Variants in C10orf90 observed in about 807,000 individuals in gnomAD.
C10orf90 encodes the protein chromosome 10 open reading frame 90, also known as (E2-independent) E3 ubiquitin-conjugating enzyme FATS.
Under a neutral mutation model 62.5 loss-of-function variants are expected in C10orf90, and 56 were observed. That is an observed-to-expected ratio of 0.90 (90% CI 0.72 to 1.12). The LOEUF is 1.12. Ranked by LOEUF, C10orf90 falls within the 50% of genes most tolerant of loss-of-function variation. The pLI is 0.00. For synonymous variants in C10orf90, 386 were observed against 340.4 expected, an observed-to-expected ratio of 1.13 and a Z score of -1.47; for missense variants, 970 against 880.4, an observed-to-expected ratio of 1.10 and a Z score of -1.29.
chr10:126,654,622 C>G (rs1846356410), intron 1 of C10orf90, among the ~76,000 whole-genome samples: 1 of 152,204 alleles, frequency 6.6e-6, no homozygotes, highest in South Asian at 2.1e-4. Flanking sequence ...TGGAGTAGCA[C>G]TTTTAATTTC....
chr10:126,426,070 TC>T lies in C10orf90; in HGVS notation c.2272del (p.Glu758LysfsTer13), dbSNP rs770142843. 2 of 1,614,056 alleles carry T rather than the reference TC, an allele frequency of 1.2e-6. No individual in the cohort carries two copies. Among genetic ancestry groups the T allele is most frequent in the Non-Finnish European group, 1.7e-6 (2 of 1,179,886 alleles). On this transcript the variant is annotated frameshift_variant, in exon 9 of 10. Transcript: ENST00000488181. LOFTEE classifies it high-confidence loss of function. ...TTGTTCTTCTTTTTTCTTTTTAACT[TC>T]CGGCAAGTTATCATAGATTCTGAAA... ...RSKRIYDNLP[E>X]VKKKKEEQRK...
At position 126,504,143 on chromosome 10, in the gene C10orf90, C is replaced by A; in HGVS notation, c.1348G>T (p.Val450Leu). The change falls in exon 4 of 10, where the codon GTG (valine) becomes TTG (leucine). Residue 450 changes from valine to leucine, a missense_variant. Val to Leu is a conservative substitution (Grantham distance 32, BLOSUM62 1). Transcript: ENST00000488181. This position sits in a 1 kb window ranked among gnomAD's most constrained non-coding sequence, Gnocchi z 4.1. The stretch of plus-strand genomic sequence containing the variant: ...GGACAAGCGCCGGTCCCCAAATGCA[C>A]CCGCCTCAACGATGGGGTTTCCTTC... The part of the protein sequence containing the change: ...HLKETPSLRR[V>L]HLGTGACPWS... 1 of 1,614,126 alleles carries A rather than the reference C, an allele frequency of 6.2e-7. No homozygotes were observed. The highest frequency in any genetic ancestry group is 8.5e-7 in the Non-Finnish European group (1 of 1,180,010).
At chr10:126,518,784 C>T (rs139422426) in intron 2 of C10orf90, among the ~76,000 whole-genome samples, 2 of 152,250 alleles carry the variant, frequency 1.3e-5, no homozygotes, top group Non-Finnish European at 2.9e-5. Flanking sequence ...TCCGCCTGAA[C>T]CACACATCCA....
intron 2 of C10orf90, among the ~76,000 whole-genome samples, chr10:126,561,175 GA>G (rs778494341): frequency 6.6e-6 from 1 of 152,120 alleles, no homozygotes; most frequent in East Asian, 1.9e-4. Flanking sequence ...ATAACAGCTG[GA>G]AAAAAATCAG....
intron 2 of C10orf90, among the ~76,000 whole-genome samples, chr10:126,528,996 G>T (rs1864023532): frequency 6.6e-6 from 1 of 152,094 alleles, no homozygotes; most frequent in Admixed American, 6.5e-5. Flanking sequence ...CATTGCTACA[G>T]AAATAAACAA....
At position 126,620,000 on chromosome 10, in the gene C10orf90, A is replaced by G. The variant is rs371848037; in HGVS notation, c.313+26565T>C. On this transcript the variant is annotated intron_variant, in intron 2 of 9. Transcript: ENST00000488181. ...ATGTTGGATACAAATCCTTTGTTTTATATTAATCAATAATCTATTATCTAA... is the reference window on the plus strand; with the variant it reads ...ATGTTGGATACAAATCCTTTGTTTTGTATTAATCAATAATCTATTATCTAA... 5.3e-5 allele frequency among the ~76,000 whole-genome samples: 8 copies of G among 152,212 alleles called. No individual in the cohort carries two copies. In the South Asian group the frequency reaches 1.2e-3, roughly 24 times the overall value.
intron 2 of C10orf90, among the ~76,000 whole-genome samples, chr10:126,542,766 C>A (rs1444433650): frequency 6.6e-6 from 1 of 152,130 alleles, no homozygotes; most frequent in African/African-American, 2.4e-5. Context: ...TCTTCCCAAA[C>A]TATTGGCTGA....
At chr10:126,535,530 A>AG (rs1184707615) in intron 2 of C10orf90, among the ~76,000 whole-genome samples, 1 of 152,066 alleles carries the variant, frequency 6.6e-6, no homozygotes, top group East Asian at 1.9e-4. Flanking sequence ...AAAAAAAAAA[A>AG]AAATTGTCTT....
At chr10:126,604,192 C>T (rs1037565689) in intron 2 of C10orf90, among the ~76,000 whole-genome samples, 1 of 152,178 alleles carries the variant, frequency 6.6e-6, no homozygotes, top group East Asian at 1.9e-4. Flanking sequence ...TCTGACCTCT[C>T]GGCCTTGCTC....
chr10:126,521,152 C>T (rs1291533897), intron 2 of C10orf90: 1 of 835,784 alleles, frequency 1.2e-6, no homozygotes, highest in East Asian at 2.7e-5. Flanking sequence ...CCAAGTTGGC[C>T]CAGGTCTTTA....
intron 4 of C10orf90, among the ~76,000 whole-genome samples, chr10:126,498,588 G>A (rs1220535079): frequency 1.3e-5 from 2 of 152,142 alleles, no homozygotes; most frequent in Non-Finnish European, 1.5e-5. Context: ...GCAGTGTGAT[G>A]GACACTGTAT....
intron 1 of C10orf90, among the ~76,000 whole-genome samples, chr10:126,664,498 A>G (rs904496398): frequency 6.6e-6 from 1 of 152,172 alleles, no homozygotes; most frequent in Non-Finnish European, 1.5e-5. Flanking sequence ...AGGCTCAAAG[A>G]GAAGAAAATT....
At chr10:126,657,410 G>A (rs989319118) in intron 1 of C10orf90, among the ~76,000 whole-genome samples, 4 of 152,004 alleles carry the variant, frequency 2.6e-5, no homozygotes, top group African/African-American at 4.8e-5. Flanking sequence ...GTACAACAAC[G>A]TTTGTCCCTT....
At chr10:126,601,134 AT>A (rs56963246) in intron 2 of C10orf90, among the ~76,000 whole-genome samples, 1 of 152,174 alleles carries the variant, frequency 6.6e-6, no homozygotes, top group Non-Finnish European at 1.5e-5. Flanking sequence ...TAGATGTGGA[AT>A]TTTTTTAAAG....
intron 7 of C10orf90, among the ~76,000 whole-genome samples, chr10:126,446,735 C>G (rs1282705816): frequency 6.6e-6 from 1 of 152,058 alleles, no homozygotes; most frequent in Admixed American, 6.6e-5. Flanking sequence ...ATTCAGAATA[C>G]TCTAATAGTG....
chr10:126,605,511 G>A (rs957207769), intron 2 of C10orf90, among the ~76,000 whole-genome samples: 1 of 152,262 alleles, frequency 6.6e-6, no homozygotes, highest in African/African-American at 2.4e-5. Flanking sequence ...TGCATGGGAA[G>A]AGCCTGTGGA....
intron 2 of C10orf90, among the ~76,000 whole-genome samples, chr10:126,556,729 C>A (rs538940199): frequency 6.6e-6 from 1 of 152,114 alleles, no homozygotes; most frequent in African/African-American, 2.4e-5. Flanking sequence ...ATTCTTAATC[C>A]ATAGCAGCCA....
chr10:126,625,862 C>G (rs1007669431), intron 2 of C10orf90, among the ~76,000 whole-genome samples: 1 of 152,124 alleles, frequency 6.6e-6, no homozygotes, highest in African/African-American at 2.4e-5. Context: ...CGCCTGTAAT[C>G]CTAGCACTTT....
intron 2 of C10orf90, among the ~76,000 whole-genome samples, chr10:126,555,968 A>C (rs928345775): frequency 2.0e-5 from 3 of 152,208 alleles, no homozygotes; most frequent in Non-Finnish European, 4.4e-5. Flanking sequence ...TAAATCTCCT[A>C]AAATAAAATG....
Sources: allele counts gnomAD v4.1 joint callset (sites outside exome capture counted in the v4.1 genomes callset), GRCh38; gene constraint gnomAD v4.1.1; non-coding constraint Gnocchi (gnomAD v3.1); transcripts MANE v1.5; gene names NCBI Gene and HGNC (gene_info 2026-07-23, HGNC 2026-07-21).